The following ABCG4 variants were observed in gnomAD, a reference collection of about 807,000 sequenced individuals.
The protein encoded by ABCG4 is ATP-binding cassette sub-family G member 4.
Under a neutral mutation model 64.6 loss-of-function variants are expected in ABCG4, and 35 were observed. That is an observed-to-expected ratio of 0.54 (90% CI 0.41 to 0.72). The LOEUF is 0.72. Among genes scored for constraint, ABCG4 ranks in the 30% least tolerant of loss-of-function variants. ABCG4 has a pLI of 0.00. For missense variants in ABCG4, 610 were observed against 846.3 expected, an observed-to-expected ratio of 0.72 and a Z score of 3.46; for synonymous variants, 326 against 348.2, an observed-to-expected ratio of 0.94 and a Z score of 0.71.
rs1485786841 is a variant in ABCG4, at chr11:119,160,144, G to C, written c.1438-83G>C. The stretch of plus-strand genomic sequence containing the variant: ...ACACCCTGGGAATAGGTATTCTAGA[G>C]GCCCAGCCTTGGGTGGAGTGGAGGT... On this transcript the variant is annotated intron_variant, in intron 12 of 14. Coordinates refer to ENST00000619701, the MANE Select transcript of ABCG4 (RefSeq NM_022169.5). This position sits in a 1 kb window ranked among gnomAD's most constrained non-coding sequence, Gnocchi z 4.6. The C allele has an allele frequency of 6.1e-6, 9 of 1,477,788 alleles. No homozygotes were observed. Among genetic ancestry groups the C allele is most frequent in the Non-Finnish European group, 8.3e-6 (9 of 1,087,162 alleles). 91.5% of individuals were successfully genotyped at this position (1,477,788 alleles called of 1,614,324 possible). A position where few individuals can be genotyped will look rare whatever the true frequency, so the allele number is the denominator to read the frequency against.
Position 119,154,208 on chromosome 11 carries a change from G to C in ABCG4, c.357-52G>C. 6.2e-7 allele frequency: 1 copy of C among 1,613,288 alleles called. No individual in the cohort carries two copies. Among genetic ancestry groups the C allele is most frequent in the Non-Finnish European group, 8.5e-7 (1 of 1,179,232 alleles). On this transcript the variant is annotated intron_variant, in intron 3 of 14. Transcript: ENST00000619701. The surrounding 1 kb of genome is among the most constrained non-coding windows in gnomAD (Gnocchi z 7.0). ...GAAGAAGTATCCCTTGGGGAACACAGAAGGTATTCTGAAAGGGCATTGACC... is the reference window on the plus strand; with the variant it reads ...GAAGAAGTATCCCTTGGGGAACACACAAGGTATTCTGAAAGGGCATTGACC...
Position 119,156,644 on chromosome 11 carries a change from G to C in ABCG4, c.891G>C (p.Leu297Phe). 6.2e-7 allele frequency: 1 copy of C among 1,614,152 alleles called. No homozygotes were observed. The highest frequency in any genetic ancestry group is 8.5e-7 in the Non-Finnish European group (1 of 1,180,024). ...TCCCCTATCTAAAGGGACTCGGCTT[G>C]CATTGCCCCACCTACCACAACCCGG... ...NLIPYLKGLG[L>F]HCPTYHNPAD... The change falls in exon 8 of 15, where the codon TTG (leucine) becomes TTC (phenylalanine). Residue 297 changes from leucine to phenylalanine, a missense_variant. Coordinates refer to ENST00000619701, the MANE Select transcript of ABCG4 (RefSeq NM_022169.5). This position sits in a 1 kb window ranked among gnomAD's most constrained non-coding sequence, Gnocchi z 5.5.
chr11:119,158,768 T>C lies in ABCG4; in HGVS notation c.1336+43T>C. On this transcript the variant is annotated intron_variant, in intron 11 of 14. Transcript: ENST00000619701. The surrounding 1 kb of genome is among the most constrained non-coding windows in gnomAD (Gnocchi z 4.5). ...GGGCATGGGGCAAGGGTGTGGGTGC[T>C]GGGGCTTGGGGCAGGGGCCAGGGTG... The C allele has an allele frequency of 3.1e-6, 5 of 1,614,104 alleles. No homozygotes were observed. The highest frequency in any genetic ancestry group is 3.4e-6 in the Non-Finnish European group (4 of 1,179,984).
chr11:119,160,306 T>A lies in ABCG4; in HGVS notation c.1517T>A (p.Phe506Tyr). Reference sequence around the variant, plus strand: ...GCTGAGACCAGCCGCTTCCTGCTCTTCTCAGCCCTGGCCACCGCCACCGCC... The same window carrying A: ...GCTGAGACCAGCCGCTTCCTGCTCTACTCAGCCCTGGCCACCGCCACCGCC... Reference protein sequence around the residue: ...QPAETSRFLLFSALATATALV... With the variant: ...QPAETSRFLLYSALATATALV... Residue 506 changes from phenylalanine to tyrosine, a missense_variant, in exon 13 of 15, where the codon TTC (phenylalanine) becomes TAC (tyrosine). Coordinates refer to ENST00000619701, the MANE Select transcript of ABCG4 (RefSeq NM_022169.5). The surrounding 1 kb of genome is among the most constrained non-coding windows in gnomAD (Gnocchi z 4.6). 1 of 1,613,854 alleles carries A rather than the reference T, an allele frequency of 6.2e-7. No individual in the cohort carries two copies. Among genetic ancestry groups the A allele is most frequent in the Non-Finnish European group, 8.5e-7 (1 of 1,179,818 alleles).
rs1013477055 is a variant in ABCG4, at chr11:119,162,510, C to T, written c.*1404C>T. 6.6e-6 allele frequency: 1 copy of T among 152,376 alleles called. No homozygotes were observed. The highest frequency in any genetic ancestry group is 2.4e-5 in the African/African-American group (1 of 41,436). The allele number at this position is 152,376 out of a possible 1,614,324, so 9.4% of individuals were successfully genotyped here. A position where few individuals can be genotyped will look rare whatever the true frequency, so the allele number is the denominator to read the frequency against. On this transcript the variant is annotated 3_prime_UTR_variant, in exon 15 of 15. Coordinates refer to ENST00000619701, the MANE Select transcript of ABCG4 (RefSeq NM_022169.5). ...CATTCTGCTTCTGATTTCCCCTCCC[C>T]CAGGGCTCATTTTCCCCCTTTTTCC... is the stretch of plus-strand genomic sequence containing the variant.
rs1948300744 is a variant in ABCG4, at chr11:119,158,608, G to A, written c.1219G>A (p.Gly407Ser). The change falls in exon 11 of 15, where the codon GGC becomes AGC. Residue 407 changes from glycine (G) to serine (S), a missense_variant. Gly to Ser is a moderately conservative substitution (Grantham distance 56). Coordinates refer to ENST00000619701, the MANE Select transcript of ABCG4 (RefSeq NM_022169.5). The surrounding 1 kb of genome is among the most constrained non-coding windows in gnomAD (Gnocchi z 4.5). The part of the protein sequence containing the change: ...MSHVVIGVLI[G>S]LLYLHIGDDA... ...CCACGTGGTTATTGGCGTGCTCATC[G>A]GCCTCCTCTACCTGCATATTGGCGA... The A allele has an allele frequency of 3.7e-6, 6 of 1,613,998 alleles. No homozygotes were observed. The highest frequency in any genetic ancestry group is 2.7e-5 in the African/African-American group (2 of 74,894).
chr11:119,160,084 G>C lies in ABCG4; in HGVS notation c.1438-143G>C. 1.2e-6 allele frequency: 1 copy of C among 848,374 alleles called. No individual in the cohort carries two copies. Among genetic ancestry groups the C allele is most frequent in the Non-Finnish European group, 1.8e-6 (1 of 555,908 alleles). The allele number at this position is 848,374 out of a possible 1,614,324, so 52.6% of individuals were successfully genotyped here. Reference sequence around the variant, plus strand: ...AGGAAGGGGACGTGTGTCAATCTGGGGGACAGCTTGAACAAGAATGTGGAG... The same window carrying C: ...AGGAAGGGGACGTGTGTCAATCTGGCGGACAGCTTGAACAAGAATGTGGAG... On this transcript the variant is annotated intron_variant, in intron 12 of 14. Coordinates refer to ENST00000619701, the MANE Select transcript of ABCG4 (RefSeq NM_022169.5). This position sits in a 1 kb window ranked among gnomAD's most constrained non-coding sequence, Gnocchi z 4.6.
Position 119,149,846 on chromosome 11 carries a change from C to T in ABCG4, c.-12-108C>T, listed in dbSNP as rs771965889. The T allele has an allele frequency of 1.4e-6, 2 of 1,446,866 alleles. No individual in the cohort carries two copies. The highest frequency in any genetic ancestry group is 1.8e-6 in the Non-Finnish European group (2 of 1,095,614). 89.6% of individuals were successfully genotyped at this position (1,446,866 alleles called of 1,614,324 possible). ...TGCGGGGCTAACAGTCGCGGATCTG[C>T]CCCGAGAAGGAGGTGGGCAGTGGGG... On this transcript the variant is annotated intron_variant, in intron 1 of 14. Transcript: ENST00000619701. The surrounding 1 kb of genome is among the most constrained non-coding windows in gnomAD (Gnocchi z 8.3).
In ABCG4 at chr11:119,160,238, G is replaced by A. The variant is rs768914893; in HGVS notation, c.1449G>A (p.Pro483=). The A allele has an allele frequency of 1.7e-5, 27 of 1,610,040 alleles. No homozygotes were observed. The highest frequency in any genetic ancestry group is 1.2e-4 in the South Asian group (11 of 90,952). The change falls in exon 13 of 15, where the codon CCG becomes CCA. Residue 483 remains proline, a synonymous_variant. Coordinates refer to ENST00000619701, the MANE Select transcript of ABCG4 (RefSeq NM_022169.5). This position sits in a 1 kb window ranked among gnomAD's most constrained non-coding sequence, Gnocchi z 4.6. ...TGCCCACTCCCCAGGTGGTGTGTCCGGTGGTCTACTGCAGCATTGTGTACT... is the reference window on the plus strand; with the variant it reads ...TGCCCACTCCCCAGGTGGTGTGTCCAGTGGTCTACTGCAGCATTGTGTACT... ...MADVPFQVVC[P]VVYCSIVYWM...
rs137946614 is a variant in ABCG4, at chr11:119,158,433, C to T, written c.1167+101C>T. The T allele has an allele frequency of 1.6e-3, 2,462 of 1,548,032 alleles. 47 individuals carry two copies. The African/African-American group carries it at 0.03, about 19-fold the overall frequency. ...TGGGAATGGGGACCCTCCCTCACAG[C>T]CCTGCAATGTGCCTGTGGGGTCTCT... On this transcript the variant is annotated intron_variant, in intron 10 of 14. Coordinates refer to ENST00000619701, the MANE Select transcript of ABCG4 (RefSeq NM_022169.5). The surrounding 1 kb of genome is among the most constrained non-coding windows in gnomAD (Gnocchi z 4.5).
chr11:119,154,453 C>A lies in ABCG4; in HGVS notation c.489+61C>A. ...CCCCTCTGTCTGCTGTCGCCACCTTCACCATTGGCGGAGGGTTCAAGGCAG... is the reference window on the plus strand; with the variant it reads ...CCCCTCTGTCTGCTGTCGCCACCTTAACCATTGGCGGAGGGTTCAAGGCAG... On this transcript the variant is annotated intron_variant, in intron 4 of 14. Coordinates refer to ENST00000619701, the MANE Select transcript of ABCG4 (RefSeq NM_022169.5). The surrounding 1 kb of genome is among the most constrained non-coding windows in gnomAD (Gnocchi z 7.0). 1.2e-6 allele frequency: 2 copies of A among 1,614,058 alleles called. No individual in the cohort carries two copies. Among genetic ancestry groups the A allele is most frequent in the Non-Finnish European group, 1.7e-6 (2 of 1,179,980 alleles).
At chr11:119,152,401 C>T (rs549362301) in intron 2 of ABCG4, among the ~76,000 whole-genome samples, 78 of 152,296 alleles carry the variant, frequency 5.1e-4, no homozygotes, top group African/African-American at 1.8e-3. Context: ...GAGGGAAAGC[C>T]GGGCCCAGAA....
Position 119,156,980 on chromosome 11 carries a change from A to G in ABCG4, c.1034A>G (p.Asn345Ser). ...GAGAAGAAGAGCAGCCCTGAGAAGA[A>G]CGAGGTCCCTGCCCCATGCCCTCCT... ...MAEKKSSPEK[N>S]EVPAPCPPCP... Residue 345 changes from asparagine to serine, a missense_variant, in exon 9 of 15, where the codon AAC becomes AGC. Asn to Ser is a conservative substitution (Grantham distance 46, BLOSUM62 1). Transcript: ENST00000619701. The surrounding 1 kb of genome is among the most constrained non-coding windows in gnomAD (Gnocchi z 5.5). 6.2e-7 allele frequency: 1 copy of G among 1,613,308 alleles called. No homozygotes were observed. Among genetic ancestry groups the G allele is most frequent in the East Asian group, 2.2e-5 (1 of 44,868 alleles).
Position 119,154,353 on chromosome 11 carries a change from C to A in ABCG4, c.450C>A (p.Asp150Glu), listed in dbSNP as rs1225318993. ...RKMSCYIMQD[D>E]MLLPHLTVLE... Reference sequence around the variant, plus strand: ...TGTCCTGCTACATCATGCAAGATGACATGCTGCTGCCGCACCTCACGGTGT... The same window carrying A: ...TGTCCTGCTACATCATGCAAGATGAAATGCTGCTGCCGCACCTCACGGTGT... Residue 150 changes from aspartate to glutamate, a missense_variant, in exon 4 of 15, where the codon GAC (aspartate) becomes GAA (glutamate). By Grantham distance (45) the Asp-to-Glu change is conservative. Coordinates refer to ENST00000619701, the MANE Select transcript of ABCG4 (RefSeq NM_022169.5). This position sits in a 1 kb window ranked among gnomAD's most constrained non-coding sequence, Gnocchi z 7.0. 6.2e-7 allele frequency: 1 copy of A among 1,614,226 alleles called. No individual in the cohort carries two copies. Among genetic ancestry groups the A allele is most frequent in the East Asian group, 2.2e-5 (1 of 44,884 alleles).
Position 119,154,597 on chromosome 11 carries a change from TG to T in ABCG4, c.540+25del, listed in dbSNP as rs751280819. ...GCTGGTGAGTGGGGAAGGGAGGCAGTGGGACCACTCCCTTTTGTGGTGCTGC... is the reference window on the plus strand; with the variant it reads ...GCTGGTGAGTGGGGAAGGGAGGCAGTGGACCACTCCCTTTTGTGGTGCTGC... On this transcript the variant is annotated intron_variant, in intron 5 of 14. Coordinates refer to ENST00000619701, the MANE Select transcript of ABCG4 (RefSeq NM_022169.5). This position sits in a 1 kb window ranked among gnomAD's most constrained non-coding sequence, Gnocchi z 7.0. The T allele has an allele frequency of 1.2e-6, 2 of 1,611,322 alleles. No homozygotes were observed. Among genetic ancestry groups the T allele is most frequent in the Admixed American group, 3.4e-5 (2 of 59,052 alleles).
Position 119,160,935 on chromosome 11 carries a change from GACA to G in ABCG4, c.1771_1773del (p.Thr591del), listed in dbSNP as rs757124325. Reference sequence around the variant, plus strand: ...TCTATGGCATGGAGCGAGGAGACCTGACATGTTTAGAGGAACGCTGCCCGTTCC... The same window carrying G: ...TCTATGGCATGGAGCGAGGAGACCTGTGTTTAGAGGAACGCTGCCCGTTCC... On this transcript the variant is annotated inframe_deletion, in exon 15 of 15. Transcript: ENST00000619701. The surrounding 1 kb of genome is among the most constrained non-coding windows in gnomAD (Gnocchi z 4.6). 3 of 1,613,958 alleles carry G rather than the reference GACA, an allele frequency of 1.9e-6. No homozygotes were observed. In the Admixed American group the frequency reaches 5.0e-5, roughly 27 times the overall value.
In ABCG4 at chr11:119,161,120, C is replaced by A; in HGVS notation, c.*14C>A. On this transcript the variant is annotated 3_prime_UTR_variant, in exon 15 of 15. Transcript: ENST00000619701. ...TCAGAGAGATAGAGGCTTGCCCCAG[C>A]CTGTACCCCAGCCCCTGCAGCAGGA... is the stretch of plus-strand genomic sequence containing the variant. 1 of 1,606,972 alleles carries A rather than the reference C, an allele frequency of 6.2e-7. No individual in the cohort carries two copies. The highest frequency in any genetic ancestry group is 8.5e-7 in the Non-Finnish European group (1 of 1,175,458).
chr11:119,158,894 T>C lies in ABCG4; in HGVS notation c.1402T>C (p.Tyr468His). 6.2e-7 allele frequency: 1 copy of C among 1,614,228 alleles called. No homozygotes were observed. Among genetic ancestry groups the C allele is most frequent in the Non-Finnish European group, 8.5e-7 (1 of 1,180,042 alleles). Residue 468 changes from tyrosine (Y) to histidine (H), a missense_variant, in exon 12 of 15, where the codon TAC becomes CAC. Coordinates refer to ENST00000619701, the MANE Select transcript of ABCG4 (RefSeq NM_022169.5). This position sits in a 1 kb window ranked among gnomAD's most constrained non-coding sequence, Gnocchi z 4.5. ...LNYWYSLKAY[Y>H]LAKTMADVPF... ...CTACTGGTACAGCCTCAAAGCGTAT[T>C]ACCTGGCCAAGACCATGGCTGACGT...
chr11:119,156,416 C>T lies in ABCG4; in HGVS notation c.774C>T (p.His258=), dbSNP rs1479925491. 6.2e-7 allele frequency: 1 copy of T among 1,614,198 alleles called. No homozygotes were observed. Among genetic ancestry groups the T allele is most frequent in the East Asian group, 2.2e-5 (1 of 44,874 alleles). The stretch of plus-strand genomic sequence containing the variant: ...GCCGTACCATCATCTGCACCATCCA[C>T]CAGCCCAGTGCCAAGCTCTTTGAGA... ...QGGRTIICTI[H]QPSAKLFEMF... is the part of the protein sequence containing the mutation. The change falls in exon 7 of 15, where the codon CAC becomes CAT. Residue 258 remains histidine (H), a synonymous_variant. Coordinates refer to ENST00000619701, the MANE Select transcript of ABCG4 (RefSeq NM_022169.5). This position sits in a 1 kb window ranked among gnomAD's most constrained non-coding sequence, Gnocchi z 5.5.
Sources: allele counts gnomAD v4.1 joint callset (sites outside exome capture counted in the v4.1 genomes callset), GRCh38; gene constraint gnomAD v4.1.1; non-coding constraint Gnocchi (gnomAD v3.1); transcripts MANE v1.5; gene names NCBI Gene and HGNC (gene_info 2026-07-23, HGNC 2026-07-21).